GRID2: variants seen among roughly 807,000 people sequenced by gnomAD.
GRID2 encodes glutamate receptor ionotropic, delta-2.
Under a neutral mutation model 114.8 loss-of-function variants are expected in GRID2, and 33 were observed. That is an observed-to-expected ratio of 0.29 (90% CI 0.22 to 0.38). GRID2 has a LOEUF of 0.38. GRID2 is among the 10% of genes least tolerant of loss of function. GRID2 has a pLI of 1.00. For synonymous variants in GRID2, 505 were observed against 449.9 expected, an observed-to-expected ratio of 1.12 and a Z score of -1.55; for missense variants, 1,184 against 1,257.7, an observed-to-expected ratio of 0.94 and a Z score of 0.89.
At chr4:93,278,654 G>A (rs1045511032) in intron 8 of GRID2, among the ~76,000 whole-genome samples, 24 of 151,854 alleles carry the variant, frequency 1.6e-4, no homozygotes, top group African/African-American at 5.6e-4. Context: ...ATTTTAAGCA[G>A]CTCATAGTCC....
chr4:93,021,958 A>G (rs1292773558), intron 2 of GRID2, among the ~76,000 whole-genome samples: 2 of 151,104 alleles, frequency 1.3e-5, no homozygotes, highest in Admixed American at 6.6e-5. Flanking sequence ...TTCATATTAC[A>G]TTGGTGCAAA....
chr4:92,787,622 TGTAA>T (rs777267001), intron 2 of GRID2, among the ~76,000 whole-genome samples: 1 of 151,918 alleles, frequency 6.6e-6, no homozygotes, highest in Non-Finnish European at 1.5e-5. Flanking sequence ...TATAGTTAAC[TGTAA>T]GTGTTTTAGA....
chr4:93,174,951 G>T (rs1230358215), intron 4 of GRID2, among the ~76,000 whole-genome samples: 1 of 152,090 alleles, frequency 6.6e-6, no homozygotes, highest in Non-Finnish European at 1.5e-5. Flanking sequence ...GTTTTTGTGT[G>T]ACATACTTTC....
intron 2 of GRID2, among the ~76,000 whole-genome samples, chr4:93,023,327 A>G (rs1230755421): frequency 1.3e-5 from 2 of 151,966 alleles, no homozygotes; most frequent in Non-Finnish European, 2.9e-5. Flanking sequence ...GTAGTGAAAT[A>G]TTTCAAGAAA....
chr4:92,354,287 C>T (rs1187244295), intron 1 of GRID2, among the ~76,000 whole-genome samples: 1 of 151,974 alleles, frequency 6.6e-6, no homozygotes, highest in African/African-American at 2.4e-5. Flanking sequence ...TCAGCATTTA[C>T]TTGGTTGCTG....
intron 8 of GRID2, among the ~76,000 whole-genome samples, chr4:93,305,007 A>G (rs1755269961): frequency 6.6e-6 from 1 of 152,164 alleles, no homozygotes; most frequent in African/African-American, 2.4e-5. Flanking sequence ...GACAATTTTG[A>G]TTAAATGTCC....
intron 9 of GRID2, among the ~76,000 whole-genome samples, chr4:93,403,283 G>T: frequency 6.6e-6 from 1 of 152,066 alleles, no homozygotes; most frequent in South Asian, 2.1e-4. Flanking sequence ...ATCCTACAAT[G>T]GAAATACACA....
chr4:93,003,569 C>G (rs1023256133), intron 2 of GRID2, among the ~76,000 whole-genome samples: 2 of 151,910 alleles, frequency 1.3e-5, no homozygotes, highest in African/African-American at 4.8e-5. Flanking sequence ...CTTATCTCTC[C>G]TCACTATTTT....
At chr4:92,730,733 G>A (rs866586716) in intron 2 of GRID2, among the ~76,000 whole-genome samples, 11 of 151,874 alleles carry the variant, frequency 7.2e-5, no homozygotes, top group Admixed American at 5.3e-4. Context: ...ATTGATGTTT[G>A]TATAATACTG....
intron 2 of GRID2, among the ~76,000 whole-genome samples, chr4:92,973,452 A>G (rs1207042975): frequency 2.0e-5 from 3 of 152,202 alleles, no homozygotes; most frequent in Non-Finnish European, 2.9e-5. Context: ...GCCTTAACTC[A>G]TAAGTCAGTA....
At chr4:92,920,008 T>A (rs2149502978) in intron 2 of GRID2, among the ~76,000 whole-genome samples, 1 of 152,282 alleles carries the variant, frequency 6.6e-6, no homozygotes, top group African/African-American at 2.4e-5. Flanking sequence ...GTCCAAGGAC[T>A]TGCTTTATGA....
At chr4:93,236,293 C>T (rs1746787734) in intron 7 of GRID2, among the ~76,000 whole-genome samples, 1 of 151,924 alleles carries the variant, frequency 6.6e-6, no homozygotes, top group African/African-American at 2.4e-5. Flanking sequence ...ATCAAAAATA[C>T]AAGCAATCAA....
intron 13 of GRID2, among the ~76,000 whole-genome samples, chr4:93,545,702 G>T (rs1733147480): frequency 6.6e-6 from 1 of 152,128 alleles, no homozygotes; most frequent in Non-Finnish European, 1.5e-5. Context: ...CTTTATCTAG[G>T]TGGTGGTTAC....
intron 14 of GRID2, among the ~76,000 whole-genome samples, chr4:93,738,488 G>A (rs931944089): frequency 6.6e-5 from 10 of 152,058 alleles, no homozygotes; most frequent in South Asian, 2.1e-4. Flanking sequence ...CTGTGGAGGC[G>A]CAACAAGAGG....
intron 9 of GRID2, among the ~76,000 whole-genome samples, chr4:93,415,714 T>C (rs1767635365): frequency 6.6e-6 from 1 of 152,186 alleles, no homozygotes; most frequent in Middle Eastern, 3.4e-3. Context: ...GATGTGGCTA[T>C]TTCATTAGTT....
At chr4:93,410,019 G>A (rs1370349517) in intron 9 of GRID2, among the ~76,000 whole-genome samples, 1 of 151,834 alleles carries the variant, frequency 6.6e-6, no homozygotes, top group Non-Finnish European at 1.5e-5. Context: ...AATCAATATT[G>A]GTTTAGAAAA....
At chr4:93,081,320 CT>C (rs1303803802) in intron 2 of GRID2, among the ~76,000 whole-genome samples, 7 of 152,130 alleles carry the variant, frequency 4.6e-5, no homozygotes, top group African/African-American at 1.7e-4. Flanking sequence ...TTTTTTAACT[CT>C]TTATGCATTT....
chr4:93,523,322 A>T (rs535490824), intron 13 of GRID2, among the ~76,000 whole-genome samples: 4 of 152,260 alleles, frequency 2.6e-5, no homozygotes, highest in Admixed American at 2.6e-4. Flanking sequence ...TTTGCTTGGG[A>T]CAGTCTCGAT....
intron 11 of GRID2, among the ~76,000 whole-genome samples, chr4:93,482,545 G>A (rs185180789): frequency 6.6e-6 from 1 of 152,014 alleles, no homozygotes; most frequent in East Asian, 1.9e-4. Context: ...GGGTTGTGGG[G>A]CAAGGGAAGG....
Sources: gnomAD v4.1 joint callset for allele counts (sites outside exome capture counted in the v4.1 genomes callset) on GRCh38, gnomAD v4.1.1 for gene constraint, MANE v1.5 for transcripts, NCBI Gene and HGNC (gene_info 2026-07-23, HGNC 2026-07-21) for gene names.